Variants in MBP observed in about 807,000 individuals in gnomAD.
MBP encodes the protein Golli-MBP.
MBP carries 16 observed loss-of-function variants against 35.8 expected under a neutral mutation model. The observed-to-expected ratio is 0.45, with a 90% CI of 0.30 to 0.68. The LOEUF (loss-of-function observed/expected upper bound fraction) is 0.68, where lower values mean the gene tolerates loss of function less well. Among genes scored for constraint, MBP ranks in the 30% least tolerant of loss-of-function variants. The probability of loss-of-function intolerance (pLI) is 0.08; values close to 1 mark genes in which losing one functional copy is unlikely to be tolerated. For missense variants in MBP, 380 were observed against 404.7 expected, an observed-to-expected ratio of 0.94 and a Z score of 0.52; for synonymous variants, 143 against 159.6, an observed-to-expected ratio of 0.90 and a Z score of 0.78.
At chr18:77,025,764 C>T (rs139410913) in intron 3 of MBP, among the ~76,000 whole-genome samples, 24 of 146,902 alleles carry the variant, frequency 1.6e-4, no homozygotes, top group African/African-American at 5.6e-4. Context: ...CCCCTGCATC[C>T]GTGGAAATCA....
At chr18:77,067,744 A>G (rs780493556) in intron 2 of MBP, 83 of 466,662 alleles carry the variant, frequency 1.8e-4, no homozygotes, top group Non-Finnish European at 2.8e-4. Flanking sequence ...GTTTGTACCA[A>G]TTTTCCACCC....
chr18:76,985,787 C>T, intron 7 of MBP: 2 of 991,540 alleles, frequency 2.0e-6, no homozygotes, highest in South Asian at 9.1e-5. Flanking sequence ...TGTGCGAGAA[C>T]ACAAGCCGTT....
chr18:77,028,631 C>A (rs1203466141), intron 3 of MBP, among the ~76,000 whole-genome samples: 3 of 71,166 alleles, frequency 4.2e-5, no homozygotes, highest in African/African-American at 1.2e-4. Flanking sequence ...TGACCCCCCC[C>A]CACCTCCCTC....
chr18:77,023,153 C>T (rs980643222), intron 3 of MBP, among the ~76,000 whole-genome samples: 2 of 152,176 alleles, frequency 1.3e-5, no homozygotes, highest in Non-Finnish European at 2.9e-5. Context: ...CATCTGTGAG[C>T]AACAACAGGG....
chr18:77,038,570 C>T (rs1230071516), intron 3 of MBP, among the ~76,000 whole-genome samples: 1 of 152,226 alleles, frequency 6.6e-6, no homozygotes, highest in African/African-American at 2.4e-5. Context: ...GCTTGCAGAC[C>T]TGTGACTATG....
Position 77,051,411 on chromosome 18 carries a change from C to T in MBP, c.139+14887G>A, listed in dbSNP as rs548142200. Among the ~76,000 whole-genome samples the T allele has an allele frequency of 1.1e-4, 16 of 152,342 alleles. No homozygotes were observed. The South Asian group carries it at 3.3e-3, about 32-fold the overall frequency. On this transcript the variant is annotated intron_variant, in intron 3 of 8. Transcript: ENST00000355994. ...TTAAAATCCACCCACCACTGTCGGC[C>T]TGGCTCACAGTGAATTAACCGTTCA...
chr18:77,066,191 T>C, intron 3 of MBP, 107 bp downstream of exon 3: 4 of 782,460 alleles, frequency 5.1e-6, no homozygotes, highest in Non-Finnish European at 6.7e-6. Flanking sequence ...TACAGACAGA[T>C]CCATGGATCA....
At chr18:77,007,793 G>A (rs1971080815) in intron 4 of MBP, among the ~76,000 whole-genome samples, 1 of 152,226 alleles carries the variant, frequency 6.6e-6, no homozygotes, top group Non-Finnish European at 1.5e-5. Flanking sequence ...TGGAGTGTGA[G>A]CCTCAGGCAG....
intron 3 of MBP, among the ~76,000 whole-genome samples, chr18:77,030,399 G>A (rs563272094): frequency 6.6e-6 from 1 of 152,244 alleles, no homozygotes; most frequent in African/African-American, 2.4e-5. Flanking sequence ...ACACAGGGAC[G>A]GGAAGGGACA....
At chr18:77,111,465 C>A (rs1355175135) in intron 1 of MBP, among the ~76,000 whole-genome samples, 1 of 152,244 alleles carries the variant, frequency 6.6e-6, no homozygotes, top group East Asian at 1.9e-4. Context: ...GATTGTCGTG[C>A]CCCTTTGTAG....
intron 4 of MBP, chr18:77,006,198 G>A (rs1043605798): frequency 6.6e-6 from 1 of 152,378 alleles, no homozygotes; most frequent in African/African-American, 2.4e-5. Context: ...CGCCAAGGCT[G>A]AGGGGTGGAC....
At chr18:77,059,427 A>G (rs1394949745) in intron 3 of MBP, among the ~76,000 whole-genome samples, 1 of 151,576 alleles carries the variant, frequency 6.6e-6, no homozygotes, top group East Asian at 1.9e-4. Context: ...CTGCTTTATT[A>G]ATTATAATGA....
chr18:77,027,025 C>G (rs7237258), intron 3 of MBP, among the ~76,000 whole-genome samples: 3 of 152,020 alleles, frequency 2.0e-5, no homozygotes, highest in African/African-American at 7.3e-5. Flanking sequence ...CTTAGCCTGC[C>G]GTGAGTCGCC....
chr18:77,076,418 G>A (rs1239185335), intron 2 of MBP, among the ~76,000 whole-genome samples: 1 of 152,236 alleles, frequency 6.6e-6, no homozygotes, highest in Admixed American at 6.5e-5. Flanking sequence ...TTTTTCAGCA[G>A]CTTCCCCTGG....
chr18:77,067,854 A>G, intron 2 of MBP: 1 of 512,672 alleles, frequency 2.0e-6, no homozygotes, highest in Non-Finnish European at 3.9e-6. Context: ...AGGCACAGCC[A>G]TTAAGACCAC....
Position 77,102,679 on chromosome 18 carries a change from T to C in MBP, c.51+2532A>G, listed in dbSNP as rs1368396198. On this transcript the variant is annotated intron_variant, in intron 2 of 8. Transcript: ENST00000355994. The surrounding 1 kb of genome is among the most constrained non-coding windows in gnomAD (Gnocchi z 4.4). ...TAGCATTAAACAAATTAAAAACATA[T>C]GTGGGTGTTTTACAGCGTCAAACAA... 2.0e-5 allele frequency among the ~76,000 whole-genome samples: 3 copies of C among 152,300 alleles called. No homozygotes were observed. Among genetic ancestry groups the C allele is most frequent in the Non-Finnish European group, 4.4e-5 (3 of 68,014 alleles).
At chr18:77,061,993 G>A (rs879408603) in intron 3 of MBP, among the ~76,000 whole-genome samples, 3 of 152,204 alleles carry the variant, frequency 2.0e-5, no homozygotes, top group Admixed American at 6.5e-5. Context: ...ACACAGACGC[G>A]GGCTGGTGAC....
intron 4 of MBP, among the ~76,000 whole-genome samples, chr18:76,992,664 G>A (rs470508): frequency 6.6e-6 from 1 of 151,956 alleles, no homozygotes; most frequent in Non-Finnish European, 1.5e-5. Flanking sequence ...GCAAGCTTCG[G>A]GAAACAGAAG....
intron 1 of MBP, among the ~76,000 whole-genome samples, chr18:77,130,750 C>T (rs1243943748): frequency 6.6e-6 from 1 of 151,436 alleles, no homozygotes; most frequent in East Asian, 1.9e-4. Flanking sequence ...ACAGCTAGGA[C>T]CACCACTGAC....
Sources: allele counts gnomAD v4.1 joint callset (sites outside exome capture counted in the v4.1 genomes callset), GRCh38; gene constraint gnomAD v4.1.1; non-coding constraint Gnocchi (gnomAD v3.1); transcripts MANE v1.5; gene names NCBI Gene and HGNC (gene_info 2026-07-23, HGNC 2026-07-21).